ANKRD11: variants seen among roughly 807,000 people sequenced by gnomAD.
ANKRD11 encodes the protein ankyrin repeat domain-containing protein 11.
In ANKRD11, 17 loss-of-function variants were observed where a neutral mutation model predicts 195.7. The ratio of observed to expected loss-of-function variants is 0.09; its 90% CI spans 0.06 to 0.13. The LOEUF (loss-of-function observed/expected upper bound fraction) is 0.13. Ranked by LOEUF, ANKRD11 falls within the 10% of genes least tolerant of loss-of-function variation. ANKRD11 has a pLI of 1.00. For synonymous variants in ANKRD11, 1,953 were observed against 1,528.1 expected, an observed-to-expected ratio of 1.28 and a Z score of -6.49; for missense variants, 3,735 against 3,566.1, an observed-to-expected ratio of 1.05 and a Z score of -1.21.
At chr16:89,480,083 C>T (rs1321868584) in intron 1 of ANKRD11, among the ~76,000 whole-genome samples, 1 of 151,298 alleles carries the variant, frequency 6.6e-6, no homozygotes, top group Non-Finnish European at 1.5e-5. Context: ...TGCACTCCAG[C>T]CTGGGCAACA....
chr16:89,488,645 A>T (rs1339590687), intron 1 of ANKRD11, among the ~76,000 whole-genome samples: 2 of 152,186 alleles, frequency 1.3e-5, no homozygotes, highest in East Asian at 3.9e-4. Flanking sequence ...CACAACAAAA[A>T]CAGTAACTGT....
At chr16:89,473,679 A>G (rs1597519346) in intron 1 of ANKRD11, among the ~76,000 whole-genome samples, 2 of 152,210 alleles carry the variant, frequency 1.3e-5, no homozygotes, top group Non-Finnish European at 2.9e-5. Context: ...ACCAATTCCC[A>G]GAGACTGACA....
intron 2 of ANKRD11, among the ~76,000 whole-genome samples, chr16:89,353,412 C>A (rs2039314882): frequency 1.3e-5 from 2 of 152,038 alleles, no homozygotes; most frequent in South Asian, 4.2e-4. Context: ...CAGAGGATCT[C>A]AAAAGTAGAG....
At chr16:89,478,645 T>A (rs1362928219) in intron 1 of ANKRD11, among the ~76,000 whole-genome samples, 1 of 152,174 alleles carries the variant, frequency 6.6e-6, no homozygotes, top group African/African-American at 2.4e-5. Context: ...ACAGGCCACG[T>A]CCTCTCCTCC....
At chr16:89,443,482 G>C (rs2043625351) in intron 1 of ANKRD11, 2 of 152,094 alleles carry the variant, frequency 1.3e-5, no homozygotes. Context: ...CTTCCAGTCA[G>C]TAAGAGACAA....
chr16:89,471,771 A>C (rs922106508), intron 1 of ANKRD11, among the ~76,000 whole-genome samples: 1 of 116,192 alleles, frequency 8.6e-6, no homozygotes, highest in African/African-American at 3.4e-5. Flanking sequence ...GGCGACAGTG[A>C]GACTCTGTCT....
rs537614273 is a variant in ANKRD11 at position 89,412,927 on chromosome 16, C to G, written c.-60+5357G>C. On this transcript the variant is annotated intron_variant, in intron 2 of 12. Transcript: ENST00000301030. ...CAGAGGTCACAGGTCAGCAGAGGTC[C>G]CAGCACTCAGAGCCGGATTCCAGCT... 1.6e-4 allele frequency among the ~76,000 whole-genome samples: 24 copies of G among 152,258 alleles called. No homozygotes were observed. The South Asian group carries it at 1.9e-3, about 12-fold the overall frequency.
At position 89,293,885 on chromosome 16, in the gene ANKRD11, G is replaced by A. The variant is rs762684174; in HGVS notation, c.227-2702C>T. ...CAGAGGAACAGGCAGAGGCAAAGGC[G>A]TTCCTTAGAAGTCAGTCTTTAGGCT... On this transcript the variant is annotated intron_variant, in intron 4 of 12. Coordinates refer to ENST00000301030, the MANE Select transcript of ANKRD11 (RefSeq NM_013275.6). Among the ~76,000 whole-genome samples, 24 of 152,242 alleles carry A rather than the reference G, an allele frequency of 1.6e-4. 1 individual carries two copies. Among genetic ancestry groups the A allele is most frequent in the Middle Eastern group, 6.8e-3 (2 of 294 alleles).
chr16:89,368,175 T>C (rs373113058), intron 2 of ANKRD11, among the ~76,000 whole-genome samples: 2 of 151,864 alleles, frequency 1.3e-5, no homozygotes, highest in South Asian at 2.1e-4. Context: ...TCCAACATAC[T>C]CTGTCCACTC....
At chr16:89,422,423 T>C (rs1280428780) in intron 1 of ANKRD11, among the ~76,000 whole-genome samples, 1 of 152,222 alleles carries the variant, frequency 6.6e-6, no homozygotes, top group Non-Finnish European at 1.5e-5. Flanking sequence ...TTTGAGGGGA[T>C]GGACACAGTA....
intron 1 of ANKRD11, among the ~76,000 whole-genome samples, chr16:89,455,980 C>G (rs1177452419): frequency 1.3e-5 from 2 of 152,174 alleles, no homozygotes; most frequent in East Asian, 1.9e-4. Flanking sequence ...GCTCACACCT[C>G]TAATCCCAGC....
At chr16:89,411,357 G>A (rs568602479) in intron 2 of ANKRD11, among the ~76,000 whole-genome samples, 1 of 152,262 alleles carries the variant, frequency 6.6e-6, no homozygotes, top group Non-Finnish European at 1.5e-5. Flanking sequence ...ACCGGAAGAG[G>A]AGCAGGCTGC....
chr16:89,440,743 C>G (rs1366601765), intron 1 of ANKRD11, among the ~76,000 whole-genome samples: 1 of 152,194 alleles, frequency 6.6e-6, no homozygotes, highest in African/African-American at 2.4e-5. Flanking sequence ...CAGAGGACAT[C>G]CAGGCACCAC....
At chr16:89,313,960 C>T (rs897427266) in intron 3 of ANKRD11, among the ~76,000 whole-genome samples, 1 of 152,220 alleles carries the variant, frequency 6.6e-6, no homozygotes, top group Non-Finnish European at 1.5e-5. Context: ...ACAGGACAGG[C>T]TGGGTGTGGT....
chr16:89,435,015 T>A (rs2043153530), intron 1 of ANKRD11, among the ~76,000 whole-genome samples: 1 of 152,144 alleles, frequency 6.6e-6, no homozygotes, highest in African/African-American at 2.4e-5. Flanking sequence ...AGCCACCAGC[T>A]CTTCATGAGA....
At chr16:89,477,194 CTTTTTTT>C (rs398030125) in intron 1 of ANKRD11, among the ~76,000 whole-genome samples, 112 of 142,392 alleles carry the variant, frequency 7.9e-4, no homozygotes, top group African/African-American at 2.8e-3. Flanking sequence ...GTCATTTCCC[CTTTTTTT>C]TTTTTTTTGG....
intron 1 of ANKRD11, among the ~76,000 whole-genome samples, chr16:89,456,748 G>C (rs1159479109): frequency 2.0e-5 from 3 of 152,134 alleles, no homozygotes. Flanking sequence ...CTCATTCCTA[G>C]GAAGTCTCCA....
intron 3 of ANKRD11, among the ~76,000 whole-genome samples, chr16:89,309,254 G>C (rs566857325): frequency 1.6e-4 from 24 of 152,206 alleles, no homozygotes; most frequent in Non-Finnish European, 3.5e-4. Flanking sequence ...CGAAGGGAGA[G>C]AATGCCAACA....
intron 4 of ANKRD11, chr16:89,300,594 T>G (rs2035789172): frequency 4.8e-6 from 2 of 418,866 alleles, no homozygotes; most frequent in African/African-American, 2.1e-5. Flanking sequence ...GCATTCAGAG[T>G]TCCAAGAAGT....
Sources: gnomAD v4.1 joint callset for allele counts (sites outside exome capture counted in the v4.1 genomes callset) on GRCh38, gnomAD v4.1.1 for gene constraint, MANE v1.5 for transcripts, NCBI Gene and HGNC (gene_info 2026-07-23, HGNC 2026-07-21) for gene names.